GRIK4: variants seen among roughly 807,000 people sequenced by gnomAD.
The protein encoded by GRIK4 is glutamate ionotropic receptor kainate type subunit 4, also known as glutamate receptor ionotropic, kainate 4.
A neutral mutation model predicts 104.9 loss-of-function variants in GRIK4; 40 were observed. The observed-to-expected ratio is 0.38, with a 90% confidence interval of 0.30 to 0.50. The LOEUF (loss-of-function observed/expected upper bound fraction) is 0.50, where lower values mean the gene tolerates loss of function less well. Among genes scored for constraint, GRIK4 ranks in the 20% least tolerant of loss-of-function variants. The pLI, the probability that GRIK4 is intolerant of heterozygous loss-of-function variation, is 0.93. For missense variants in GRIK4, 1,047 were observed against 1,308.1 expected (o/e 0.80, Z 3.08); for synonymous variants, 485 against 524.9 (o/e 0.92, Z 1.04).
intron 14 of GRIK4, among the ~76,000 whole-genome samples, chr11:120,944,402 C>T (rs1591313919): frequency 6.6e-6 from 1 of 152,162 alleles, no homozygotes; most frequent in African/African-American, 2.4e-5. Context: ...ATCTGGACGT[C>T]TCACAGGCAC....
intron 8 of GRIK4, among the ~76,000 whole-genome samples, chr11:120,851,857 T>TGG (rs1246140223): frequency 1.3e-5 from 2 of 152,182 alleles, no homozygotes; most frequent in Middle Eastern, 3.2e-3. Context: ...AGTCCACTGA[T>TGG]TAACAGCATC....
intron 3 of GRIK4, among the ~76,000 whole-genome samples, chr11:120,781,641 C>T (rs545798986): frequency 2.6e-5 from 4 of 152,308 alleles, no homozygotes; most frequent in East Asian, 1.9e-4. Context: ...CATGAGCCAC[C>T]GTGCCCTGCC....
At chr11:120,519,406 C>A (rs1411751498) in intron 1 of GRIK4, among the ~76,000 whole-genome samples, 1 of 152,144 alleles carries the variant, frequency 6.6e-6, no homozygotes, top group East Asian at 1.9e-4. Flanking sequence ...AAAAAGAGAA[C>A]CCGCAAAGCC....
At chr11:120,727,899 T>G (rs1951060458) in intron 3 of GRIK4, among the ~76,000 whole-genome samples, 1 of 152,070 alleles carries the variant, frequency 6.6e-6, no homozygotes, top group African/African-American at 2.4e-5. Context: ...AAGAATGTGA[T>G]AAATATGGTT....
In GRIK4 at chr11:120,618,684, C is replaced by T. The variant is rs561493167; in HGVS notation, c.-158-35001C>T. On this transcript the variant is annotated intron_variant, in intron 1 of 20. Transcript: ENST00000527524. Reference sequence around the variant, plus strand: ...ATACAGCCCACACTCCAGCTCCAGCCGAGGCTCAAAGGGGCCCAGGTACAG... The same window carrying T: ...ATACAGCCCACACTCCAGCTCCAGCTGAGGCTCAAAGGGGCCCAGGTACAG... Among the ~76,000 whole-genome samples the T allele has an allele frequency of 2.1e-4, 32 of 152,302 alleles. No individual in the cohort carries two copies. The East Asian group carries it at 2.3e-3, about 11-fold the overall frequency.
At chr11:120,899,238 G>A (rs578178030) in intron 12 of GRIK4, among the ~76,000 whole-genome samples, 1 of 151,834 alleles carries the variant, frequency 6.6e-6, no homozygotes, top group South Asian at 2.1e-4. Flanking sequence ...CCAACACGGC[G>A]AAACCCTGTC....
rs527481154 is a variant in GRIK4 at position 120,902,091 on chromosome 11, C to T, written c.1273-3199C>T. ...GGGTTTTCCCTGGCAAATGGTAATCCCGAATGATTTATCCCTTAAAACTCA... is the reference window on the plus strand; with the variant it reads ...GGGTTTTCCCTGGCAAATGGTAATCTCGAATGATTTATCCCTTAAAACTCA... On this transcript the variant is annotated intron_variant, in intron 12 of 20. Coordinates refer to ENST00000527524, the MANE Select transcript of GRIK4 (RefSeq NM_014619.5). This position sits in a 1 kb window ranked among gnomAD's most constrained non-coding sequence, Gnocchi z 4.5. Among the ~76,000 whole-genome samples, 5 of 152,220 alleles carry T rather than the reference C, an allele frequency of 3.3e-5. No individual in the cohort carries two copies. In the South Asian group the frequency reaches 1.0e-3, roughly 32 times the overall value.
At chr11:120,767,907 G>T (rs1485858026) in intron 3 of GRIK4, among the ~76,000 whole-genome samples, 2 of 151,994 alleles carry the variant, frequency 1.3e-5, no homozygotes, top group African/African-American at 4.8e-5. Context: ...ATTGGTCTGT[G>T]TTTCTGTTTT....
At chr11:120,915,742 A>G (rs1943092293) in intron 13 of GRIK4, among the ~76,000 whole-genome samples, 1 of 152,154 alleles carries the variant, frequency 6.6e-6, no homozygotes, top group South Asian at 2.1e-4. Context: ...AAGGGAGTAG[A>G]AGCAGGGTGC....
At chr11:120,823,519 C>G (rs117947483) in intron 6 of GRIK4, among the ~76,000 whole-genome samples, 2,147 of 152,302 alleles carry the variant, frequency 0.014, 60 homozygotes, top group Non-Finnish European at 0.014. Context: ...GACGCCAGGT[C>G]GCACAGCTGG....
intron 3 of GRIK4, among the ~76,000 whole-genome samples, chr11:120,783,086 G>T (rs139098003): frequency 6.6e-6 from 1 of 152,168 alleles, no homozygotes; most frequent in African/African-American, 2.4e-5. Context: ...TCAAACCGTC[G>T]CCCTAGCGAT....
At chr11:120,683,696 T>A (rs1442592553) in intron 3 of GRIK4, among the ~76,000 whole-genome samples, 2 of 152,162 alleles carry the variant, frequency 1.3e-5, no homozygotes, top group African/African-American at 4.8e-5. Flanking sequence ...AGTGAATGCA[T>A]AATGAACTGC....
At chr11:120,648,827 C>G (rs1161155742) in intron 1 of GRIK4, among the ~76,000 whole-genome samples, 1 of 151,938 alleles carries the variant, frequency 6.6e-6, no homozygotes, top group Non-Finnish European at 1.5e-5. Context: ...AACAAACAAA[C>G]AAACAAACAG....
intron 3 of GRIK4, among the ~76,000 whole-genome samples, chr11:120,764,202 C>G (rs1383685307): frequency 6.6e-6 from 1 of 152,048 alleles, no homozygotes; most frequent in Non-Finnish European, 1.5e-5. Context: ...ATGTAATGTC[C>G]TTCTTTGTCT....
chr11:120,980,806 G>T (rs1944639022), intron 19 of GRIK4, among the ~76,000 whole-genome samples: 1 of 152,152 alleles, frequency 6.6e-6, no homozygotes, highest in Non-Finnish European at 1.5e-5. Flanking sequence ...GTTCCAAGCA[G>T]ATTTTCAGTT....
chr11:120,831,988 C>T lies in GRIK4; in HGVS notation c.648C>T (p.Ile216=), dbSNP rs1423181829. The part of the protein sequence containing the change: ...EIRDDKTATI[I]IHANASMSHT... Reference sequence around the variant, plus strand: ...GGGACGACAAGACCGCCACCATCATCATCCACGCCAACGCCTCCATGTCCC... The same window carrying T: ...GGGACGACAAGACCGCCACCATCATTATCCACGCCAACGCCTCCATGTCCC... The change falls in exon 7 of 21, where the codon ATC becomes ATT. Residue 216 remains isoleucine, a synonymous_variant. Transcript: ENST00000527524. 3 of 1,613,852 alleles carry T rather than the reference C, an allele frequency of 1.9e-6. 1 individual carries two copies. Among genetic ancestry groups the T allele is most frequent in the Non-Finnish European group, 2.5e-6 (3 of 1,179,938 alleles).
chr11:120,527,817 C>T (rs1042472072), intron 1 of GRIK4, among the ~76,000 whole-genome samples: 2 of 152,222 alleles, frequency 1.3e-5, no homozygotes, highest in African/African-American at 2.4e-5. Context: ...CTGGTGGTCC[C>T]ACTCACGGGT....
chr11:120,796,848 G>T (rs576818647), intron 3 of GRIK4, among the ~76,000 whole-genome samples: 1 of 143,722 alleles, frequency 7.0e-6, no homozygotes, highest in African/African-American at 2.6e-5. Flanking sequence ...TCTCGGGGTC[G>T]CCACGGCCAC....
chr11:120,662,205 C>T (rs959582038), intron 3 of GRIK4, among the ~76,000 whole-genome samples: 5 of 152,200 alleles, frequency 3.3e-5, no homozygotes, highest in African/African-American at 9.7e-5. Context: ...AAAGGCACCC[C>T]TCGTGCTCCC....
Sources: gnomAD v4.1 joint callset for allele counts (sites outside exome capture counted in the v4.1 genomes callset) on GRCh38, gnomAD v4.1.1 for gene constraint, Gnocchi (gnomAD v3.1) non-coding constraint, MANE v1.5 for transcripts, NCBI Gene and HGNC (gene_info 2026-07-23, HGNC 2026-07-21) for gene names.